The following SRRM4 variants were observed in gnomAD, a reference collection of about 807,000 sequenced individuals.
SRRM4 encodes the protein serine/arginine repetitive matrix protein 4.
SRRM4 carries 33 observed loss-of-function variants against 68.9 expected under a neutral mutation model. That is an observed-to-expected ratio of 0.48 (90% CI 0.36 to 0.64). The LOEUF (loss-of-function observed/expected upper bound fraction) is 0.64. Among genes scored for constraint, SRRM4 ranks in the 30% least tolerant of loss-of-function variants. SRRM4 has a pLI of 0.00. For synonymous variants in SRRM4, 318 were observed against 318.8 expected (o/e 1.00, Z 0.03); for missense variants, 817 against 827.1 (o/e 0.99, Z 0.15).
At chr12:119,086,035 G>A (rs1001592679) in intron 1 of SRRM4, among the ~76,000 whole-genome samples, 1 of 152,154 alleles carries the variant, frequency 6.6e-6, no homozygotes, top group African/African-American at 2.4e-5. Context: ...AGGAAAAAGA[G>A]ATGACCAGGA....
chr12:118,985,832 A>G (rs1277379247), intron 1 of SRRM4, among the ~76,000 whole-genome samples: 2 of 152,240 alleles, frequency 1.3e-5, no homozygotes, highest in Non-Finnish European at 2.9e-5. Context: ...ATCGACCAAT[A>G]GTAGCAGCTA....
chr12:119,079,476 A>G (rs536625776), intron 1 of SRRM4, among the ~76,000 whole-genome samples: 31 of 152,210 alleles, frequency 2.0e-4, no homozygotes, highest in Non-Finnish European at 4.1e-4. Flanking sequence ...TCTGAATAGC[A>G]GGGATACTTG....
intron 2 of SRRM4, among the ~76,000 whole-genome samples, chr12:119,108,139 T>G (rs1277257113): frequency 2.0e-5 from 3 of 152,244 alleles, no homozygotes; most frequent in African/African-American, 7.2e-5. Context: ...GTGTGTCTCT[T>G]AATCCTGAGT....
intron 1 of SRRM4, among the ~76,000 whole-genome samples, chr12:119,024,697 C>T (rs1234191403): frequency 6.6e-6 from 1 of 152,234 alleles, no homozygotes; most frequent in Non-Finnish European, 1.5e-5. Context: ...CCTGTCTAAA[C>T]CCAAGGATGG....
At chr12:119,044,649 G>C (rs1404305815) in intron 1 of SRRM4, among the ~76,000 whole-genome samples, 1 of 152,112 alleles carries the variant, frequency 6.6e-6, no homozygotes, top group Non-Finnish European at 1.5e-5. Flanking sequence ...CTCATTTTCT[G>C]CAAAATGTGG....
chr12:119,122,148 C>T, intron 6 of SRRM4, 28 bp downstream of exon 6: 1 of 1,530,538 alleles, frequency 6.5e-7, no homozygotes, highest in Non-Finnish European at 9.1e-7. Flanking sequence ...GGAATGTACT[C>T]ATCAGTTTGA....
At chr12:119,074,294 C>A (rs528778753) in intron 1 of SRRM4, among the ~76,000 whole-genome samples, 1 of 152,266 alleles carries the variant, frequency 6.6e-6, no homozygotes, top group East Asian at 1.9e-4. Context: ...CAATGCTTAC[C>A]ATAAATAGCT....
chr12:119,008,315 T>G (rs1425172469), intron 1 of SRRM4, among the ~76,000 whole-genome samples: 1 of 150,334 alleles, frequency 6.7e-6, no homozygotes, highest in East Asian at 2.0e-4. Flanking sequence ...GAGGCTACAG[T>G]GAACTGAGAT....
chr12:119,143,624 C>T (rs1954380726), intron 8 of SRRM4, among the ~76,000 whole-genome samples: 1 of 152,100 alleles, frequency 6.6e-6, no homozygotes, highest in Non-Finnish European at 1.5e-5. Context: ...CATGATGGGG[C>T]TTACACACAT....
chr12:119,103,993 A>C (rs1954092864), intron 2 of SRRM4, among the ~76,000 whole-genome samples: 1 of 152,100 alleles, frequency 6.6e-6, no homozygotes, highest in Admixed American at 6.6e-5. Flanking sequence ...ACAGAGTGAG[A>C]CTCCGTCTCA....
intron 1 of SRRM4, among the ~76,000 whole-genome samples, chr12:119,015,620 T>A (rs1380625623): frequency 6.6e-6 from 1 of 152,214 alleles, no homozygotes; most frequent in East Asian, 1.9e-4. Flanking sequence ...ACTACCCTGT[T>A]ATTTTTTTAA....
intron 1 of SRRM4, among the ~76,000 whole-genome samples, chr12:119,012,300 G>A (rs1455328957): frequency 6.6e-6 from 1 of 152,180 alleles, no homozygotes; most frequent in African/African-American, 2.4e-5. Context: ...GGATGGAAAC[G>A]CTGCATCATG....
At chr12:119,093,617 C>A (rs1316603648) in intron 1 of SRRM4, among the ~76,000 whole-genome samples, 1 of 152,134 alleles carries the variant, frequency 6.6e-6, no homozygotes, top group Non-Finnish European at 1.5e-5. Flanking sequence ...GGACCCTGGG[C>A]TGGAAGGAGA....
chr12:119,126,552 C>A (rs570710465), intron 7 of SRRM4, among the ~76,000 whole-genome samples: 112 of 152,114 alleles, frequency 7.4e-4, no homozygotes, highest in Non-Finnish European at 1.4e-3. Context: ...ACTATGTAAA[C>A]CCAAACAGTG....
chr12:118,990,768 CCT>C (rs1460435216), intron 1 of SRRM4, among the ~76,000 whole-genome samples: 3 of 152,056 alleles, frequency 2.0e-5, no homozygotes, highest in Non-Finnish European at 2.9e-5. Flanking sequence ...CCATGTAAGC[CCT>C]CTCTCCCTCC....
intron 1 of SRRM4, among the ~76,000 whole-genome samples, chr12:119,056,378 T>C (rs1953776531): frequency 6.6e-6 from 1 of 152,232 alleles, no homozygotes; most frequent in Non-Finnish European, 1.5e-5. Flanking sequence ...GTTATCTCAC[T>C]TTGCTGATGG....
chr12:119,119,643 G>A (rs886290386), intron 4 of SRRM4, among the ~76,000 whole-genome samples: 2 of 152,110 alleles, frequency 1.3e-5, no homozygotes, highest in African/African-American at 4.8e-5. Flanking sequence ...ACTCCACAGG[G>A]CTTGGGGAAG....
At chr12:119,067,759 C>T (rs949579145) in intron 1 of SRRM4, among the ~76,000 whole-genome samples, 1 of 151,836 alleles carries the variant, frequency 6.6e-6, no homozygotes, top group Non-Finnish European at 1.5e-5. Context: ...GTCAACAAGC[C>T]TGGAATGGAA....
At chr12:119,027,183 A>C (rs1953554151) in intron 1 of SRRM4, among the ~76,000 whole-genome samples, 1 of 152,230 alleles carries the variant, frequency 6.6e-6, no homozygotes, top group Non-Finnish European at 1.5e-5. Context: ...ATCATGGAGC[A>C]CCAACTAAAC....
Sources: gnomAD v4.1 joint callset for allele counts (sites outside exome capture counted in the v4.1 genomes callset) on GRCh38, gnomAD v4.1.1 for gene constraint, MANE v1.5 for transcripts, NCBI Gene and HGNC (gene_info 2026-07-23, HGNC 2026-07-21) for gene names.